GPC5: variants seen among roughly 807,000 people sequenced by gnomAD.
GPC5 encodes glypican-5.
A neutral mutation model predicts 53.9 loss-of-function variants in GPC5; 47 were observed. The ratio of observed to expected loss-of-function variants is 0.87; its 90% confidence interval spans 0.69 to 1.11. GPC5 has a LOEUF of 1.11. GPC5 is among the 50% of genes most tolerant of loss of function. GPC5 has a pLI of 0.00. For missense variants in GPC5, 748 were observed against 713.1 expected (o/e 1.05, Z -0.56); for synonymous variants, 286 against 263.3 (o/e 1.09, Z -0.84).
intron 6 of GPC5, among the ~76,000 whole-genome samples, chr13:92,097,243 GT>G (rs1344526372): frequency 6.6e-6 from 1 of 152,268 alleles, no homozygotes; most frequent in East Asian, 1.9e-4. Context: ...AGCTGAAGAG[GT>G]TTCCTAGAAA....
At chr13:92,203,442 T>A (rs1189827652) in intron 7 of GPC5, among the ~76,000 whole-genome samples, 72 of 118,076 alleles carry the variant, frequency 6.1e-4, no homozygotes, top group African/African-American at 2.2e-3. Context: ...AACAATGAGA[T>A]CACATGGACA....
At chr13:92,768,043 C>G (rs1399553929) in intron 7 of GPC5, among the ~76,000 whole-genome samples, 1 of 152,088 alleles carries the variant, frequency 6.6e-6, no homozygotes, top group Non-Finnish European at 1.5e-5. Context: ...AGGTATTTCC[C>G]TAGAAAATAT....
intron 6 of GPC5, among the ~76,000 whole-genome samples, chr13:92,093,024 C>A (rs2041393249): frequency 6.6e-6 from 1 of 152,130 alleles, no homozygotes; most frequent in Non-Finnish European, 1.5e-5. Flanking sequence ...TTGCAATTTA[C>A]ACAGTTGTGA....
At chr13:91,684,788 G>T (rs950843020) in intron 2 of GPC5, among the ~76,000 whole-genome samples, 1 of 152,148 alleles carries the variant, frequency 6.6e-6, no homozygotes, top group Non-Finnish European at 1.5e-5. Context: ...CCAGTGCTTC[G>T]CATTCCACAT....
intron 5 of GPC5, among the ~76,000 whole-genome samples, chr13:91,877,656 T>C (rs2039218685): frequency 6.6e-6 from 1 of 152,218 alleles, no homozygotes; most frequent in African/African-American, 2.4e-5. Context: ...ACTTGCCTTG[T>C]CTCAGATGAG....
intron 6 of GPC5, among the ~76,000 whole-genome samples, chr13:91,915,449 G>C (rs546221918): frequency 1.1e-4 from 16 of 152,158 alleles, no homozygotes; most frequent in African/African-American, 3.9e-4. Context: ...ATGGGATTGG[G>C]ATTGGCCATT....
chr13:91,654,277 AG>A (rs1162035247), intron 2 of GPC5, among the ~76,000 whole-genome samples: 1 of 152,198 alleles, frequency 6.6e-6, no homozygotes, highest in Non-Finnish European at 1.5e-5. Context: ...TCTACTTTGA[AG>A]AACACAGGCA....
At chr13:92,855,926 A>C (rs1594553017) in intron 7 of GPC5, among the ~76,000 whole-genome samples, 1 of 152,210 alleles carries the variant, frequency 6.6e-6, no homozygotes, top group Non-Finnish European at 1.5e-5. Flanking sequence ...ATTCTACCAG[A>C]TGTACAAAGA....
intron 5 of GPC5, among the ~76,000 whole-genome samples, chr13:91,800,203 T>G (rs2038112072): frequency 6.6e-6 from 1 of 152,064 alleles, no homozygotes; most frequent in South Asian, 2.1e-4. Flanking sequence ...AATAAGAAAT[T>G]TATTCAGACA....
intron 7 of GPC5, among the ~76,000 whole-genome samples, chr13:92,563,616 A>G (rs1315311106): frequency 6.6e-6 from 1 of 152,068 alleles, no homozygotes; most frequent in East Asian, 1.9e-4. Flanking sequence ...CTAACATTTT[A>G]TCAAAAGACA....
intron 7 of GPC5, among the ~76,000 whole-genome samples, chr13:92,476,136 C>A (rs1431936773): frequency 6.7e-6 from 1 of 150,150 alleles, no homozygotes; most frequent in Non-Finnish European, 1.5e-5. Flanking sequence ...ATTTTTGCAA[C>A]CTACTCATCT....
intron 5 of GPC5, among the ~76,000 whole-genome samples, chr13:91,812,861 T>C (rs1315628296): frequency 6.6e-6 from 1 of 152,204 alleles, no homozygotes; most frequent in African/African-American, 2.4e-5. Context: ...CTCTCGCTTT[T>C]TCTACCCTCT....
At chr13:92,324,273 TG>T (rs1351932036) in intron 7 of GPC5, among the ~76,000 whole-genome samples, 3 of 151,972 alleles carry the variant, frequency 2.0e-5, no homozygotes, top group Non-Finnish European at 4.4e-5. Context: ...TGGTCATACT[TG>T]TGGAATGAAT....
chr13:92,304,243 C>T (rs1364927419), intron 7 of GPC5, among the ~76,000 whole-genome samples: 1 of 150,664 alleles, frequency 6.6e-6, no homozygotes, highest in Non-Finnish European at 1.5e-5. Flanking sequence ...CTCTCTCTGT[C>T]CCCCAGGCTG....
chr13:92,130,640 T>A (rs1258710401), intron 6 of GPC5, among the ~76,000 whole-genome samples: 1 of 152,082 alleles, frequency 6.6e-6, no homozygotes, highest in Non-Finnish European at 1.5e-5. Flanking sequence ...TTATAAGGAA[T>A]ATTCGCCATG....
At chr13:91,457,775 T>G (rs1881662830) in intron 2 of GPC5, among the ~76,000 whole-genome samples, 1 of 152,006 alleles carries the variant, frequency 6.6e-6, no homozygotes, top group African/African-American at 2.4e-5. Flanking sequence ...AGGGAGAAAG[T>G]ACAAGTAGAG....
At chr13:92,567,089 A>C (rs2139036508) in intron 7 of GPC5, among the ~76,000 whole-genome samples, 1 of 152,218 alleles carries the variant, frequency 6.6e-6, no homozygotes, top group South Asian at 2.1e-4. Flanking sequence ...TTCTTGTTTG[A>C]AAGGATGAGG....
At chr13:92,209,795 G>GAT (rs1210141926) in intron 7 of GPC5, among the ~76,000 whole-genome samples, 5 of 152,160 alleles carry the variant, frequency 3.3e-5, no homozygotes, top group East Asian at 3.9e-4. Context: ...TAATAGGATA[G>GAT]ATATATATAT....
intron 7 of GPC5, among the ~76,000 whole-genome samples, chr13:92,689,197 G>A (rs1887322239): frequency 1.7e-5 from 1 of 59,936 alleles, no homozygotes; most frequent in Non-Finnish European, 4.3e-5. Context: ...ATGTGTGGGA[G>A]TCTAAGTCTC....
Sources: gnomAD v4.1 joint callset for allele counts (sites outside exome capture counted in the v4.1 genomes callset) on GRCh38, gnomAD v4.1.1 for gene constraint, MANE v1.5 for transcripts, NCBI Gene and HGNC (gene_info 2026-07-23, HGNC 2026-07-21) for gene names.